The following AFF2 variants were observed in gnomAD, a reference collection of about 807,000 sequenced individuals.
The protein encoded by AFF2 is AF4/FMR2 family member 2.
Under a neutral mutation model 76.9 loss-of-function variants are expected in AFF2, and 14 were observed. The ratio of observed to expected loss-of-function variants is 0.18; its 90% CI spans 0.12 to 0.28. The LOEUF is 0.28. Among genes scored for constraint, AFF2 ranks in the 10% least tolerant of loss-of-function variants. The probability of loss-of-function intolerance (pLI) is 1.00; values close to 1 mark genes in which losing one functional copy is unlikely to be tolerated. For missense variants in AFF2, 868 were observed against 1,001.1 expected (o/e 0.87, Z 1.79); for synonymous variants, 398 against 366.7 (o/e 1.09, Z -0.98).
chrX:148,985,141 T>C (rs1557291315), intron 19 of AFF2, among the ~76,000 whole-genome samples: 1 of 108,896 alleles, frequency 9.2e-6, no homozygotes, highest in Non-Finnish European at 1.9e-5. Context: ...TGTGCCACCA[T>C]GCCCAGCTAA....
intron 7 of AFF2, among the ~76,000 whole-genome samples, chrX:148,856,432 G>A (rs1397923542): frequency 1.8e-5 from 2 of 111,434 alleles, no homozygotes; most frequent in African/African-American, 6.5e-5. Context: ...AGCCAGTAAT[G>A]ATGGATTCAT....
chrX:148,857,078 A>G (rs2070794320), intron 7 of AFF2, among the ~76,000 whole-genome samples: 3 of 111,947 alleles, frequency 2.7e-5, no homozygotes, highest in Admixed American at 9.5e-5. Context: ...GTAAAATAAC[A>G]TTTAAATTGG....
intron 3 of AFF2, among the ~76,000 whole-genome samples, chrX:148,707,287 G>T (rs1295644643): frequency 9.0e-6 from 1 of 110,827 alleles, no homozygotes; most frequent in African/African-American, 3.3e-5. Context: ...TGCTGTATTT[G>T]TACAGAGATA....
chrX:148,579,980 G>C (rs1246003002), intron 1 of AFF2, among the ~76,000 whole-genome samples: 3 of 111,301 alleles, frequency 2.7e-5, no homozygotes, highest in African/African-American at 9.8e-5. Flanking sequence ...ATTTCCTTTG[G>C]GTCAGGCATC....
intron 3 of AFF2, among the ~76,000 whole-genome samples, chrX:148,796,007 TTA>T (rs2069977398): frequency 9.6e-6 from 1 of 103,705 alleles, no homozygotes; most frequent in African/African-American, 3.5e-5. Context: ...ATTGCATTAT[TTA>T]AATTGGTATA....
chrX:148,640,733 C>T (rs1557254557), intron 1 of AFF2, among the ~76,000 whole-genome samples: 1 of 112,424 alleles, frequency 8.9e-6, no homozygotes, highest in African/African-American at 3.2e-5. Context: ...CTTCCTGTCA[C>T]TGCGTATCTC....
chrX:148,710,710 A>C (rs781811822), intron 3 of AFF2, among the ~76,000 whole-genome samples: 1 of 112,144 alleles, frequency 8.9e-6, no homozygotes, highest in African/African-American at 3.2e-5. Flanking sequence ...CATTAACCTC[A>C]TGTAGATAAT....
chrX:148,595,824 G>T lies in AFF2; in HGVS notation c.48-56175G>T, dbSNP rs782109528. ...AGGAAAGCAAGAAGGTCAACTAAAT[G>T]CTCATTTTCCACAGAAGGAAGTCAA... On this transcript the variant is annotated intron_variant, in intron 1 of 20. Transcript: ENST00000370460. 7.1e-5 allele frequency among the ~76,000 whole-genome samples: 8 copies of T among 112,057 alleles called. No homozygotes were observed. In the South Asian group the frequency reaches 2.9e-3, roughly 41 times the overall value.
chrX:148,911,075 T>TTA (rs35222291), intron 9 of AFF2, among the ~76,000 whole-genome samples: 12,980 of 104,142 alleles, frequency 0.12, 1,040 homozygotes, highest in African/African-American at 0.27. Context: ...TGCACATAAA[T>TTA]TATATATATA....
At chrX:148,535,973 G>A (rs1557236529) in intron 1 of AFF2, among the ~76,000 whole-genome samples, 1 of 111,425 alleles carries the variant, frequency 9.0e-6, no homozygotes, top group Non-Finnish European at 1.9e-5. Context: ...TTAAGAATTC[G>A]CACTTTGGGA....
chrX:148,524,463 C>A (rs933325684), intron 1 of AFF2, among the ~76,000 whole-genome samples: 5 of 111,206 alleles, frequency 4.5e-5, no homozygotes, highest in African/African-American at 1.6e-4. Flanking sequence ...ATATGGAATT[C>A]CCAAAGGAAA....
At position 148,583,266 on chromosome X, in the gene AFF2, C is replaced by T. The variant is rs782468224; in HGVS notation, c.48-68733C>T. Among the ~76,000 whole-genome samples, 14 of 111,979 alleles carry T rather than the reference C, an allele frequency of 1.3e-4. No homozygotes were observed. The South Asian group carries it at 5.2e-3, about 41-fold the overall frequency. Reference sequence around the variant, plus strand: ...ATTGTATGGTATGTGAATTGTATCTCAGTAAAGCCATTACAAAAACTGAAG... The same window carrying T: ...ATTGTATGGTATGTGAATTGTATCTTAGTAAAGCCATTACAAAAACTGAAG... On this transcript the variant is annotated intron_variant, in intron 1 of 20. Transcript: ENST00000370460.
At chrX:148,648,290 G>A (rs782652443) in intron 1 of AFF2, among the ~76,000 whole-genome samples, 1 of 111,339 alleles carries the variant, frequency 9.0e-6, no homozygotes, top group Admixed American at 9.5e-5. Flanking sequence ...GCTGGGTGCA[G>A]TGGCTCATGC....
intron 1 of AFF2, among the ~76,000 whole-genome samples, chrX:148,571,544 G>A (rs933965292): frequency 4.5e-5 from 5 of 111,467 alleles, no homozygotes; most frequent in Non-Finnish European, 3.8e-5. Flanking sequence ...GTAAAAGATT[G>A]TATTGATCAA....
chrX:148,504,226 T>C (rs2052383167), intron 1 of AFF2, among the ~76,000 whole-genome samples: 1 of 110,516 alleles, frequency 9.0e-6, no homozygotes, highest in East Asian at 2.8e-4. Context: ...CCACCCAGTA[T>C]TGATTAGGTA....
At chrX:148,904,858 CTG>C (rs1425118616) in intron 9 of AFF2, among the ~76,000 whole-genome samples, 1 of 112,370 alleles carries the variant, frequency 8.9e-6, no homozygotes, top group African/African-American at 3.2e-5. Flanking sequence ...CTTAGACATC[CTG>C]TCTCTTCCAG....
At chrX:148,633,710 G>C in intron 1 of AFF2, among the ~76,000 whole-genome samples, 1 of 112,356 alleles carries the variant, frequency 8.9e-6, no homozygotes, top group East Asian at 2.8e-4. Flanking sequence ...ATCCCACACA[G>C]TCTGGAATAT....
chrX:148,590,875 G>A (rs2124371875), intron 1 of AFF2, among the ~76,000 whole-genome samples: 1 of 111,960 alleles, frequency 8.9e-6, no homozygotes, highest in South Asian at 3.7e-4. Flanking sequence ...TAACTGGATC[G>A]TAACTACTCT....
chrX:148,890,442 C>T (rs1030974409), intron 8 of AFF2, among the ~76,000 whole-genome samples: 2 of 111,978 alleles, frequency 1.8e-5, no homozygotes, highest in Non-Finnish European at 3.8e-5. Flanking sequence ...AACTGGCAGC[C>T]CTCTCTTTAG....
Sources: allele counts gnomAD v4.1 joint callset (sites outside exome capture counted in the v4.1 genomes callset), GRCh38; gene constraint gnomAD v4.1.1; transcripts MANE v1.5; gene names NCBI Gene and HGNC (gene_info 2026-07-23, HGNC 2026-07-21).